Variants in TBC1D19 observed in about 807,000 individuals in gnomAD.
TBC1D19 encodes TBC1 domain family member 19.
Under a neutral mutation model 89.0 loss-of-function variants are expected in TBC1D19, and 60 were observed. The observed-to-expected ratio is 0.67, with a 90% CI of 0.55 to 0.84. TBC1D19 has a LOEUF of 0.84. TBC1D19 is among the 40% of genes least tolerant of loss of function. The pLI, the probability that TBC1D19 is intolerant of heterozygous loss-of-function variation, is 0.00. For missense variants in TBC1D19, 500 were observed against 610.8 expected, an observed-to-expected ratio of 0.82 and a Z score of 1.91; for synonymous variants, 189 against 199.7, an observed-to-expected ratio of 0.95 and a Z score of 0.45.
At chr4:26,809,211 C>T in the TBC1D19 span, among the ~76,000 whole-genome samples, 1 of 152,288 alleles carries the variant, frequency 6.6e-6, no homozygotes, top group South Asian at 2.1e-4. Flanking sequence ...TCTCCATCTG[C>T]CCCTCCAGGT....
At chr4:26,674,704 A>G (rs1712631989) in intron 11 of TBC1D19, among the ~76,000 whole-genome samples, 1 of 152,088 alleles carries the variant, frequency 6.6e-6, no homozygotes, top group Non-Finnish European at 1.5e-5. Context: ...AATAATATTT[A>G]TATCACATAA....
At chr4:26,717,590 A>G (rs1157267166) in intron 13 of TBC1D19, among the ~76,000 whole-genome samples, 4 of 152,104 alleles carry the variant, frequency 2.6e-5, no homozygotes, top group South Asian at 2.1e-4. Context: ...AAATTGCTCT[A>G]TGTCACAATA....
At chr4:26,666,656 A>G (rs1560459008) in intron 9 of TBC1D19, among the ~76,000 whole-genome samples, 1 of 152,010 alleles carries the variant, frequency 6.6e-6, no homozygotes, top group Non-Finnish European at 1.5e-5. Flanking sequence ...TATATAAGTC[A>G]TTTTTGTTGT....
At chr4:26,851,304 CCTATCTATCTATCTATCTAT>C in the TBC1D19 span, among the ~76,000 whole-genome samples, 21 of 147,084 alleles carry the variant, frequency 1.4e-4, no homozygotes, top group Admixed American at 3.4e-4. Flanking sequence ...TAATAAATAC[CCTATCTATCTATCTATCTAT>C]CTATCTATCT....
the TBC1D19 span, among the ~76,000 whole-genome samples, chr4:26,810,773 G>A: frequency 6.6e-6 from 1 of 152,106 alleles, no homozygotes; most frequent in East Asian, 1.9e-4. Flanking sequence ...TTCTGATGCT[G>A]CCTATTTTCT....
chr4:26,835,477 A>C, the TBC1D19 span, among the ~76,000 whole-genome samples: 1 of 152,214 alleles, frequency 6.6e-6, no homozygotes, highest in African/African-American at 2.4e-5. Context: ...GTACACTTCC[A>C]AAAGCTCACC....
chr4:26,754,118 C>G (rs1435835683), intron 20 of TBC1D19: 11 of 458,998 alleles, frequency 2.4e-5, no homozygotes, highest in Non-Finnish European at 4.0e-5. Context: ...TATAGGAAAC[C>G]ATTATAACCA....
intron 15 of TBC1D19, among the ~76,000 whole-genome samples, chr4:26,724,999 C>T (rs1477917354): frequency 6.6e-6 from 1 of 152,110 alleles, no homozygotes; most frequent in Non-Finnish European, 1.5e-5. Context: ...TGAAAAAGCC[C>T]AGAGATGAGG....
intron 18 of TBC1D19, among the ~76,000 whole-genome samples, chr4:26,745,673 AT>A (rs920602724): frequency 1.6e-4 from 24 of 146,768 alleles, no homozygotes; most frequent in African/African-American, 4.5e-4. Context: ...TGCGCAGCTA[AT>A]TTTTTTTTTG....
At chr4:26,678,693 T>C (rs1713064417) in intron 11 of TBC1D19, among the ~76,000 whole-genome samples, 1 of 152,154 alleles carries the variant, frequency 6.6e-6, no homozygotes, top group Non-Finnish European at 1.5e-5. Flanking sequence ...AAAAATAAGC[T>C]ATCAGCTTAC....
At chr4:26,711,973 G>A (rs1029029017) in intron 13 of TBC1D19, among the ~76,000 whole-genome samples, 3 of 152,040 alleles carry the variant, frequency 2.0e-5, no homozygotes, top group African/African-American at 7.2e-5. Flanking sequence ...CCTTAGAGCA[G>A]TCTCAGATAG....
chr4:26,579,219 C>G (rs1319329869), upstream of TBC1D19, among the ~76,000 whole-genome samples: 1 of 152,082 alleles, frequency 6.6e-6, no homozygotes, highest in Non-Finnish European at 1.5e-5. Flanking sequence ...GGTTCATATC[C>G]CAGTACCACT....
rs570245862 is a variant in TBC1D19, at chr4:26,669,999, A to C, written c.665-2150A>C. Among the ~76,000 whole-genome samples, 22 of 151,758 alleles carry C rather than the reference A, an allele frequency of 1.4e-4. No individual in the cohort carries two copies. The Middle Eastern group carries it at 0.017, about 118-fold the overall frequency. On this transcript the variant is annotated intron_variant, in intron 9 of 20. Coordinates refer to ENST00000264866, the MANE Select transcript of TBC1D19 (RefSeq NM_018317.4). ...AGAACCAGTTATGGGGTTCTATGTG[A>C]AAACTGTCTCCAGTGCCTGTAATAT...
intron 4 of TBC1D19, among the ~76,000 whole-genome samples, chr4:26,627,091 C>T (rs1391395744): frequency 6.6e-6 from 1 of 151,752 alleles, no homozygotes; most frequent in Non-Finnish European, 1.5e-5. Context: ...TTCCTGTGTC[C>T]ATGTGTTCTC....
intron 7 of TBC1D19, among the ~76,000 whole-genome samples, chr4:26,643,935 G>T (rs1160075256): frequency 6.6e-6 from 1 of 151,898 alleles, no homozygotes; most frequent in Non-Finnish European, 1.5e-5. Context: ...ATAATTAATA[G>T]CCTCCCAACC....
intron 4 of TBC1D19, among the ~76,000 whole-genome samples, chr4:26,633,152 T>C (rs1742901219): frequency 6.6e-6 from 1 of 152,160 alleles, no homozygotes; most frequent in African/African-American, 2.4e-5. Flanking sequence ...TCACAACTTT[T>C]TCCATAACAA....
intron 7 of TBC1D19, among the ~76,000 whole-genome samples, chr4:26,642,303 C>A (rs932243694): frequency 2.6e-5 from 4 of 152,184 alleles, no homozygotes; most frequent in African/African-American, 9.7e-5. Flanking sequence ...GAATTTTCAA[C>A]CCAGAATTTC....
At chr4:26,613,711 T>C (rs1741512060) in intron 2 of TBC1D19, among the ~76,000 whole-genome samples, 1 of 152,192 alleles carries the variant, frequency 6.6e-6, no homozygotes, top group African/African-American at 2.4e-5. Context: ...TTACTGGTAA[T>C]ATTCTGATGG....
At chr4:26,630,541 C>T (rs1206081115) in intron 4 of TBC1D19, among the ~76,000 whole-genome samples, 2 of 151,512 alleles carry the variant, frequency 1.3e-5, no homozygotes, top group Non-Finnish European at 2.9e-5. Flanking sequence ...GCCTAATTAT[C>T]CACCTCCATG....
Sources: allele counts gnomAD v4.1 joint callset (sites outside exome capture counted in the v4.1 genomes callset), GRCh38; gene constraint gnomAD v4.1.1; transcripts MANE v1.5; gene names NCBI Gene and HGNC (gene_info 2026-07-23, HGNC 2026-07-21).